Variants in ARHGAP8 observed in about 807,000 individuals in gnomAD.
ARHGAP8 encodes rho GTPase-activating protein 8.
In ARHGAP8, 62 loss-of-function variants were observed where a neutral mutation model predicts 46.1. The observed-to-expected ratio is 1.34, with a 90% CI of 1.10 to 1.66. The LOEUF is 1.66. ARHGAP8 is among the 40% of genes most tolerant of loss of function. The pLI is 0.00. For missense variants in ARHGAP8, 923 were observed against 568.4 expected (o/e 1.62, Z -6.34); for synonymous variants, 375 against 243.1 (o/e 1.54, Z -5.05).
chr22:44,814,532 G>A, intron 4 of ARHGAP8, 140 bp from the exon 5 acceptor site: 1 of 707,724 alleles, frequency 1.4e-6, no homozygotes, highest in Non-Finnish European at 2.3e-6. Flanking sequence ...TTCATTCTTT[G>A]TTTGATGTCC....
intron 1 of ARHGAP8, among the ~76,000 whole-genome samples, chr22:44,755,121 G>A (rs1433366208): frequency 6.6e-6 from 1 of 152,234 alleles, no homozygotes; most frequent in East Asian, 1.9e-4. Flanking sequence ...AGGAGGCACG[G>A]ACTGTTACTG....
intron 3 of ARHGAP8, among the ~76,000 whole-genome samples, chr22:44,804,379 TGTGA>T (rs1373972255): frequency 6.6e-6 from 1 of 151,366 alleles, no homozygotes; most frequent in African/African-American, 2.4e-5. Flanking sequence ...TCCCTGTCTG[TGTGA>T]GTGAGAGGCC....
intron 1 of ARHGAP8, among the ~76,000 whole-genome samples, chr22:44,769,005 T>G (rs1602149331): frequency 6.6e-6 from 1 of 152,154 alleles, no homozygotes; most frequent in East Asian, 1.9e-4. Flanking sequence ...TGGCTAATTT[T>G]TGTATTTTTA....
chr22:44,786,487 C>T lies in ARHGAP8; in HGVS notation c.-41C>T. 3 of 1,611,160 alleles carry T rather than the reference C, an allele frequency of 1.9e-6. No individual in the cohort carries two copies. Among genetic ancestry groups the T allele is most frequent in the Non-Finnish European group, 2.5e-6 (3 of 1,178,964 alleles). Reference sequence around the variant, plus strand: ...CAGAGAGACAAGGCGGCGGCGGCTGCTGTGCTGGGTGCAGTGAGGAAGAGG... The same window carrying T: ...CAGAGAGACAAGGCGGCGGCGGCTGTTGTGCTGGGTGCAGTGAGGAAGAGG... On this transcript the variant is annotated 5_prime_UTR_variant, in exon 2 of 12. Coordinates refer to ENST00000356099, the MANE Select transcript of ARHGAP8 (RefSeq NM_181335.3).
intron 10 of ARHGAP8, among the ~76,000 whole-genome samples, chr22:44,854,237 C>A (rs899122936): frequency 7.7e-6 from 1 of 130,410 alleles, no homozygotes; most frequent in Non-Finnish European, 1.6e-5. Context: ...CCCCTTGTAT[C>A]TTTTTTTTTT....
chr22:44,847,833 TGGAAA>T (rs759246388), intron 8 of ARHGAP8, 135 bp from the exon 9 acceptor site: 7 of 1,109,300 alleles, frequency 6.3e-6, no homozygotes, highest in Non-Finnish European at 8.9e-6. Context: ...TTGGGGAATA[TGGAAA>T]GGATTTGAGG....
At chr22:44,811,890 G>A (rs771030021) in intron 4 of ARHGAP8, among the ~76,000 whole-genome samples, 46 of 151,900 alleles carry the variant, frequency 3.0e-4, no homozygotes, top group Middle Eastern at 3.2e-3. Flanking sequence ...TCTGCTACTC[G>A]GGAGGCTGAG....
chr22:44,842,218 A>G (rs1260580081), intron 7 of ARHGAP8, among the ~76,000 whole-genome samples: 1 of 152,134 alleles, frequency 6.6e-6, no homozygotes, highest in Non-Finnish European at 1.5e-5. Context: ...TTAGCTGGGC[A>G]TGGTGGTGCG....
chr22:44,812,183 G>A (rs543419792), intron 4 of ARHGAP8, among the ~76,000 whole-genome samples: 4 of 151,998 alleles, frequency 2.6e-5, no homozygotes, highest in African/African-American at 9.7e-5. Context: ...CCACTTCTGG[G>A]AGTGCTTGCC....
intron 1 of ARHGAP8, among the ~76,000 whole-genome samples, chr22:44,780,399 GCCTGTAATCCCTGCA>G (rs1435458693): frequency 6.6e-6 from 1 of 151,784 alleles, no homozygotes; most frequent in Non-Finnish European, 1.5e-5. Context: ...AGTGGCTCAT[GCCTGTAATCCCTGCA>G]CCTTGGGATG....
At chr22:44,800,401 C>T (rs185041955) in intron 2 of ARHGAP8, among the ~76,000 whole-genome samples, 113 of 150,988 alleles carry the variant, frequency 7.5e-4, no homozygotes, top group African/African-American at 2.5e-3. Context: ...CCACTGCACC[C>T]GGCCTGATCT....
chr22:44,834,012 G>T (rs1013877956), intron 7 of ARHGAP8, among the ~76,000 whole-genome samples: 1 of 151,938 alleles, frequency 6.6e-6, no homozygotes, highest in Admixed American at 6.6e-5. Context: ...TTCCATTCCT[G>T]ATTTTAGTAA....
intron 7 of ARHGAP8, among the ~76,000 whole-genome samples, chr22:44,842,101 A>G (rs780546034): frequency 1.3e-5 from 2 of 152,220 alleles, no homozygotes; most frequent in Admixed American, 6.5e-5. Context: ...GCTCATGCCT[A>G]TAATCCCAGC....
At chr22:44,785,031 A>G (rs9614928) in intron 1 of ARHGAP8, among the ~76,000 whole-genome samples, 136,893 of 152,174 alleles carry the variant, frequency 0.9, 61,755 homozygotes, top group Non-Finnish European at 0.94. Context: ...GGACTGGGGT[A>G]GACCGGGACT....
intron 10 of ARHGAP8, chr22:44,850,315 G>C (rs1324733675): frequency 6.6e-6 from 1 of 152,312 alleles, no homozygotes; most frequent in Non-Finnish European, 1.5e-5. Flanking sequence ...GCCTGGGAGA[G>C]TTCAGAGCCA....
intron 2 of ARHGAP8, chr22:44,801,740 C>T (rs1376498903): frequency 6.9e-6 from 2 of 290,252 alleles, no homozygotes; most frequent in Non-Finnish European, 1.3e-5. Context: ...AGTGGCTACA[C>T]CCTGCCTTTG....
At chr22:44,787,438 C>T (rs1414217502) in intron 2 of ARHGAP8, among the ~76,000 whole-genome samples, 8 of 152,112 alleles carry the variant, frequency 5.3e-5, no homozygotes, top group East Asian at 1.9e-4. Context: ...CTCTGCCTCC[C>T]GGGTTCAAGA....
intron 6 of ARHGAP8, among the ~76,000 whole-genome samples, chr22:44,824,841 C>T (rs972305652): frequency 2.6e-5 from 4 of 151,828 alleles, no homozygotes; most frequent in African/African-American, 9.7e-5. Context: ...TCATGTTGGC[C>T]GGGCTGGTCT....
chr22:44,805,545 T>C (rs973456570), intron 3 of ARHGAP8, among the ~76,000 whole-genome samples: 1 of 151,102 alleles, frequency 6.6e-6, no homozygotes, highest in African/African-American at 2.5e-5. Flanking sequence ...TCCTTTACTA[T>C]TAGGTGGAAG....
Sources: gnomAD v4.1 joint callset for allele counts (sites outside exome capture counted in the v4.1 genomes callset) on GRCh38, gnomAD v4.1.1 for gene constraint, MANE v1.5 for transcripts, NCBI Gene and HGNC (gene_info 2026-07-23, HGNC 2026-07-21) for gene names.